The following PDE3B variants were observed in gnomAD, a reference collection of about 807,000 sequenced individuals.
PDE3B encodes the protein cGMP-inhibited 3',5'-cyclic phosphodiesterase 3B.
In PDE3B, 66 loss-of-function variants were observed where a neutral mutation model predicts 116.8. The ratio of observed to expected loss-of-function variants is 0.56; its 90% CI spans 0.46 to 0.69. The LOEUF (loss-of-function observed/expected upper bound fraction) is 0.69. Among genes scored for constraint, PDE3B ranks in the 30% least tolerant of loss-of-function variants. The pLI is 0.00. For missense variants in PDE3B, 1,384 were observed against 1,368.1 expected (o/e 1.01, Z -0.18); for synonymous variants, 595 against 533.6 (o/e 1.12, Z -1.59).
intron 1 of PDE3B, among the ~76,000 whole-genome samples, chr11:14,683,297 T>A (rs78875528): frequency 1.3e-4 from 20 of 150,858 alleles, no homozygotes; most frequent in East Asian, 9.7e-4. Context: ...TGGGTCTCAA[T>A]TTTTTTTTTC....
chr11:14,847,642 A>G (rs1301937742), intron 12 of PDE3B, among the ~76,000 whole-genome samples: 1 of 152,264 alleles, frequency 6.6e-6, no homozygotes, highest in Admixed American at 6.5e-5. Flanking sequence ...GCAATAAAAA[A>G]TGATAAAGGG....
intron 1 of PDE3B, among the ~76,000 whole-genome samples, chr11:14,653,147 T>G (rs1169693882): frequency 6.6e-6 from 1 of 152,226 alleles, no homozygotes; most frequent in Admixed American, 6.5e-5. Context: ...TTTGCTGAAT[T>G]TGTTTGTTCT....
intron 1 of PDE3B, among the ~76,000 whole-genome samples, chr11:14,714,250 C>G (rs562904551): frequency 6.6e-6 from 1 of 151,678 alleles, no homozygotes; most frequent in African/African-American, 2.4e-5. Flanking sequence ...ATGTGTGTGT[C>G]TTGCTATTTG....
intron 1 of PDE3B, among the ~76,000 whole-genome samples, chr11:14,649,436 G>T (rs1228453019): frequency 6.6e-6 from 1 of 152,162 alleles, no homozygotes; most frequent in Non-Finnish European, 1.5e-5. Flanking sequence ...ACTGGCTGAG[G>T]GTTATTCTGT....
the PDE3B span, among the ~76,000 whole-genome samples, chr11:14,888,377 CATATT>C: frequency 6.6e-6 from 1 of 152,174 alleles, no homozygotes; most frequent in African/African-American, 2.4e-5. Flanking sequence ...TACATTTAAA[CATATT>C]ATTATAACAT....
At chr11:14,658,756 C>A (rs1341867991) in intron 1 of PDE3B, among the ~76,000 whole-genome samples, 1 of 152,174 alleles carries the variant, frequency 6.6e-6, no homozygotes, top group Non-Finnish European at 1.5e-5. Context: ...TCTTTCTTGA[C>A]AAAATCAAGT....
chr11:14,791,268 A>G (rs979884192), intron 4 of PDE3B, among the ~76,000 whole-genome samples: 2 of 152,038 alleles, frequency 1.3e-5, no homozygotes, highest in African/African-American at 4.8e-5. Flanking sequence ...GAGATCTCAT[A>G]TCCTTGATTT....
At chr11:14,651,883 A>C (rs2133748858) in intron 1 of PDE3B, among the ~76,000 whole-genome samples, 1 of 152,306 alleles carries the variant, frequency 6.6e-6, no homozygotes, top group Admixed American at 6.5e-5. Flanking sequence ...TTAATACCAC[A>C]CTATCTTAGT....
chr11:14,665,462 A>G (rs1854105737), intron 1 of PDE3B, among the ~76,000 whole-genome samples: 1 of 152,208 alleles, frequency 6.6e-6, no homozygotes, highest in Non-Finnish European at 1.5e-5. Context: ...CAATTAGGAA[A>G]AGAGGAAGTC....
At chr11:14,657,703 G>A (rs1201853261) in intron 1 of PDE3B, among the ~76,000 whole-genome samples, 1 of 152,058 alleles carries the variant, frequency 6.6e-6, no homozygotes, top group Non-Finnish European at 1.5e-5. Flanking sequence ...AGCTATAAAG[G>A]CTATGAAAAA....
chr11:14,737,440 C>G (rs1467685471), intron 1 of PDE3B, among the ~76,000 whole-genome samples: 1 of 151,688 alleles, frequency 6.6e-6, no homozygotes, highest in African/African-American at 2.4e-5. Context: ...CCTCGTGATC[C>G]GCCAGCCTTG....
chr11:14,883,106 G>T, the PDE3B span, among the ~76,000 whole-genome samples: 1 of 152,218 alleles, frequency 6.6e-6, no homozygotes, highest in East Asian at 1.9e-4. Flanking sequence ...TGGCCATACT[G>T]CCCAAGGTAA....
At chr11:14,877,143 T>G in the PDE3B span, among the ~76,000 whole-genome samples, 1 of 152,168 alleles carries the variant, frequency 6.6e-6, no homozygotes, top group Non-Finnish European at 1.5e-5. Flanking sequence ...TAGCTATAAA[T>G]GGGTCAATAT....
intron 5 of PDE3B, 47 bp from the exon 6 acceptor site, chr11:14,818,136 A>G (rs756658233): frequency 1.6e-6 from 2 of 1,257,654 alleles, no homozygotes; most frequent in East Asian, 5.0e-5. Flanking sequence ...ACATACACAC[A>G]TAAATACATT....
At chr11:14,673,926 T>G (rs1854453688) in intron 1 of PDE3B, 2 of 1,412,608 alleles carry the variant, frequency 1.4e-6, no homozygotes, top group Admixed American at 3.4e-5. Flanking sequence ...CGCATACTCC[T>G]TATTATCTGT....
chr11:14,875,840 T>A (rs1262414036), downstream of PDE3B, among the ~76,000 whole-genome samples: 2 of 152,200 alleles, frequency 1.3e-5, no homozygotes, highest in African/African-American at 4.8e-5. Flanking sequence ...TTAAGTGAAG[T>A]TAAGGCCCTT....
chr11:14,853,269 C>CT (rs1847790461), intron 12 of PDE3B, among the ~76,000 whole-genome samples: 1 of 151,972 alleles, frequency 6.6e-6, no homozygotes, highest in South Asian at 2.1e-4. Flanking sequence ...TGTTTATGTA[C>CT]TTTGTTTTTT....
chr11:14,855,768 G>A (rs1315648701), intron 12 of PDE3B, among the ~76,000 whole-genome samples: 1 of 151,976 alleles, frequency 6.6e-6, no homozygotes, highest in Non-Finnish European at 1.5e-5. Context: ...GAGGAGATAG[G>A]AAGTGCTGGC....
At chr11:14,673,167 T>TAAA (rs955553260) in intron 1 of PDE3B, among the ~76,000 whole-genome samples, 1 of 139,868 alleles carries the variant, frequency 7.1e-6, no homozygotes, top group Non-Finnish European at 1.6e-5. Context: ...TTAAGCACCA[T>TAAA]AAAAAAAAAA....
Sources: allele counts gnomAD v4.1 joint callset (sites outside exome capture counted in the v4.1 genomes callset), GRCh38; gene constraint gnomAD v4.1.1; transcripts MANE v1.5; gene names NCBI Gene and HGNC (gene_info 2026-07-23, HGNC 2026-07-21).